SUPV3L1: variants seen among roughly 807,000 people sequenced by gnomAD.
SUPV3L1 encodes ATP-dependent RNA helicase SUPV3L1, mitochondrial.
SUPV3L1 carries 35 observed loss-of-function variants against 70.0 expected under a neutral mutation model. That is an observed-to-expected ratio of 0.50 (90% CI 0.38 to 0.66). The LOEUF (loss-of-function observed/expected upper bound fraction) is 0.66, where lower values mean the gene tolerates loss of function less well. SUPV3L1 is among the 30% of genes least tolerant of loss of function. The probability of loss-of-function intolerance (pLI) is 0.00; values close to 1 mark genes in which losing one functional copy is unlikely to be tolerated. For synonymous variants in SUPV3L1, 364 were observed against 341.9 expected (o/e 1.06, Z -0.71); for missense variants, 777 against 961.5 (o/e 0.81, Z 2.54).
intron 6 of SUPV3L1, among the ~76,000 whole-genome samples, chr10:69,194,435 T>C (rs2132286087): frequency 6.6e-6 from 1 of 151,884 alleles, no homozygotes; most frequent in South Asian, 2.1e-4. Flanking sequence ...CACTGCAGGC[T>C]CCGCCTCCCG....
Position 69,186,409 on chromosome 10 carries a change from A to G in SUPV3L1, c.350-34A>G, listed in dbSNP as rs752472516. Reference sequence around the variant, plus strand: ...CTGTGTGCTTTTTAAAATGAGAACTACACCTTACATCTTTTCATTTTGTGT... The same window carrying G: ...CTGTGTGCTTTTTAAAATGAGAACTGCACCTTACATCTTTTCATTTTGTGT... On this transcript the variant is annotated intron_variant, in intron 2 of 14. Transcript: ENST00000359655. 7 of 1,506,762 alleles carry G rather than the reference A, an allele frequency of 4.6e-6. No individual in the cohort carries two copies. In the South Asian group the frequency reaches 7.9e-5, roughly 17 times the overall value. The allele number at this position is 1,506,762 out of a possible 1,614,324, so 93.3% of individuals were successfully genotyped here. A position where few individuals can be genotyped will look rare whatever the true frequency, so the allele number is the denominator to read the frequency against.
Position 69,187,605 on chromosome 10 carries a change from T to C in SUPV3L1, c.458-37T>C, listed in dbSNP as rs189208703. On this transcript the variant is annotated intron_variant, in intron 3 of 14. Transcript: ENST00000359655. Reference sequence around the variant, plus strand: ...ACTAAATTTAGTTACGAATTTTATGTAGATTGCACATGTTAATACAGTGTT... The same window carrying C: ...ACTAAATTTAGTTACGAATTTTATGCAGATTGCACATGTTAATACAGTGTT... The C allele has an allele frequency of 4.7e-3, 6,522 of 1,392,692 alleles. 24 individuals are homozygous for C. The highest frequency in any genetic ancestry group is 8.6e-3 in the Middle Eastern group (47 of 5,492). 86.3% of individuals were successfully genotyped at this position (1,392,692 alleles called of 1,614,324 possible).
At chr10:69,186,197 A>G (rs1842224004) in intron 2 of SUPV3L1, 133 bp downstream of exon 2, 1 of 862,316 alleles carries the variant, frequency 1.2e-6, no homozygotes, top group South Asian at 1.6e-5. Flanking sequence ...CTTCTGGCTG[A>G]GTGGGAGACT....
At position 69,187,638 on chromosome 10, in the gene SUPV3L1, C is replaced by G. The variant is rs1475615303; in HGVS notation, c.458-4C>G. ...ACATGTTAATACAGTGTTTTATTTTCCAGCTCATGCGGATGATTTATTCCC... is the reference window on the plus strand; with the variant it reads ...ACATGTTAATACAGTGTTTTATTTTGCAGCTCATGCGGATGATTTATTCCC... On this transcript the variant is annotated splice_polypyrimidine_tract_variant and splice_region_variant and intron_variant, in intron 3 of 14. Coordinates refer to ENST00000359655, the MANE Select transcript of SUPV3L1 (RefSeq NM_003171.5). The G allele has an allele frequency of 2.5e-6, 4 of 1,586,750 alleles. No homozygotes were observed. Among genetic ancestry groups the G allele is most frequent in the Middle Eastern group, 1.7e-4 (1 of 5,970 alleles).
chr10:69,188,906 G>A (rs1465107909), intron 4 of SUPV3L1, among the ~76,000 whole-genome samples: 2 of 152,150 alleles, frequency 1.3e-5, no homozygotes, highest in Non-Finnish European at 2.9e-5. Context: ...CAGGGGCCTG[G>A]GAATGTTTGC....
intron 1 of SUPV3L1, among the ~76,000 whole-genome samples, chr10:69,181,254 G>A (rs967665322): frequency 6.6e-6 from 1 of 152,168 alleles, no homozygotes; most frequent in African/African-American, 2.4e-5. Flanking sequence ...TGTTTTCAAG[G>A]TGAGTTTCGG....
chr10:69,196,165 T>C (rs1252070537), intron 7 of SUPV3L1, among the ~76,000 whole-genome samples: 1 of 152,110 alleles, frequency 6.6e-6, no homozygotes, highest in Admixed American at 6.6e-5. Flanking sequence ...TTTGATCATG[T>C]TTTAGGGCAG....
chr10:69,186,356 A>T, intron 2 of SUPV3L1, 87 bp from the exon 3 acceptor site: 4 of 835,486 alleles, frequency 4.8e-6, no homozygotes, highest in Non-Finnish European at 7.7e-6. Flanking sequence ...AAAAAAAAAG[A>T]CTCTTTGATG....
At chr10:69,180,704 C>T (rs1217505112) in intron 1 of SUPV3L1, 142 bp downstream of exon 1, 36 of 1,169,628 alleles carry the variant, frequency 3.1e-5, no homozygotes, top group East Asian at 2.9e-4. Context: ...CTGCCTCCTT[C>T]GCTGGTGTGT....
intron 6 of SUPV3L1, 139 bp downstream of exon 6, chr10:69,191,905 C>A: frequency 1.8e-6 from 1 of 549,752 alleles, no homozygotes; most frequent in Non-Finnish European, 3.1e-6. Flanking sequence ...CTCCCCAGTT[C>A]AAGCGATTCT....
rs1383411177 is a variant in SUPV3L1, at chr10:69,180,447, C to T, written c.156C>T (p.Ala52=). ...VSVLATASSS[A]SGGSKIPNTS... ...TCCTTGCCACCGCCTCCTCCTCTGC[C>T]TCCGGTGGCTCCAAAATACCAAACA... Residue 52 remains alanine (A), a synonymous_variant, in exon 1 of 15, where the codon GCC becomes GCT. Coordinates refer to ENST00000359655, the MANE Select transcript of SUPV3L1 (RefSeq NM_003171.5). 6.2e-7 allele frequency: 1 copy of T among 1,614,268 alleles called. No homozygotes were observed. Among genetic ancestry groups the T allele is most frequent in the African/African-American group, 1.3e-5 (1 of 75,078 alleles).
At chr10:69,195,415 T>G (rs951130417) in intron 7 of SUPV3L1, 150 bp downstream of exon 7, 3 of 429,818 alleles carry the variant, frequency 7.0e-6, no homozygotes, top group African/African-American at 4.1e-5. Context: ...TTTTATTTTC[T>G]AAATATTATT....
chr10:69,203,825 A>T (rs185803833), intron 13 of SUPV3L1, among the ~76,000 whole-genome samples: 72 of 152,086 alleles, frequency 4.7e-4, no homozygotes, highest in African/African-American at 1.7e-3. Flanking sequence ...TCCCTGGCTC[A>T]AGTGATCCTG....
chr10:69,186,702 C>G, intron 3 of SUPV3L1, 152 bp downstream of exon 3: 1 of 660,112 alleles, frequency 1.5e-6, no homozygotes, highest in South Asian at 1.9e-5. Flanking sequence ...AGGATGACTT[C>G]TAGGTTGTTT....
chr10:69,196,352 C>T (rs34566525), intron 7 of SUPV3L1, among the ~76,000 whole-genome samples: 27,211 of 151,786 alleles, frequency 0.18, 2,844 homozygotes, highest in Non-Finnish European at 0.23. Context: ...ATTAGCCAGG[C>T]GTGGTGGCGC....
At chr10:69,201,369 G>C (rs1360135878) in intron 11 of SUPV3L1, among the ~76,000 whole-genome samples, 1 of 152,084 alleles carries the variant, frequency 6.6e-6, no homozygotes, top group Admixed American at 6.6e-5. Context: ...TAGCTAAAGA[G>C]AACTCACTTC....
chr10:69,208,078 A>G (rs752305800), intron 14 of SUPV3L1, 137 bp downstream of exon 14: 45 of 1,104,122 alleles, frequency 4.1e-5, no homozygotes, highest in Non-Finnish European at 5.4e-5. Context: ...CATAAAGGCA[A>G]TTCAACTGAT....
intron 1 of SUPV3L1, among the ~76,000 whole-genome samples, chr10:69,183,184 G>C (rs540429775): frequency 6.6e-6 from 1 of 152,148 alleles, no homozygotes; most frequent in Non-Finnish European, 1.5e-5. Flanking sequence ...AACAATCAGA[G>C]AAAGCCCAGT....
At chr10:69,191,587 C>A in intron 5 of SUPV3L1, 68 bp from the exon 6 acceptor site, 1 of 1,339,148 alleles carries the variant, frequency 7.5e-7, no homozygotes, top group Non-Finnish European at 1.1e-6. Context: ...AGAGAACACC[C>A]TGTTAAATAT....
Sources: allele counts gnomAD v4.1 joint callset (sites outside exome capture counted in the v4.1 genomes callset), GRCh38; gene constraint gnomAD v4.1.1; transcripts MANE v1.5; gene names NCBI Gene and HGNC (gene_info 2026-07-23, HGNC 2026-07-21).